Variants in ZNF431 observed in about 807,000 individuals in gnomAD.
The protein encoded by ZNF431 is zinc finger protein 431.
ZNF431 carries 34 observed loss-of-function variants against 57.0 expected under a neutral mutation model. The observed-to-expected ratio is 0.60, with a 90% CI of 0.45 to 0.79. ZNF431 has a LOEUF of 0.79. Ranked by LOEUF, ZNF431 falls within the 30% of genes least tolerant of loss-of-function variation. ZNF431 has a pLI of 0.00. For synonymous variants in ZNF431, 207 were observed against 220.3 expected (o/e 0.94, Z 0.54); for missense variants, 607 against 667.1 (o/e 0.91, Z 0.99).
At chr19:21,163,527 G>A (rs1788974711) in intron 2 of ZNF431, among the ~76,000 whole-genome samples, 1 of 152,100 alleles carries the variant, frequency 6.6e-6, no homozygotes, top group Non-Finnish European at 1.5e-5. Context: ...CCCAAGTAAT[G>A]TTGGTTTTTT....
chr19:21,161,092 T>TCA (rs1970554022), intron 2 of ZNF431, among the ~76,000 whole-genome samples: 1 of 152,034 alleles, frequency 6.6e-6, no homozygotes, highest in South Asian at 2.1e-4. Flanking sequence ...CTCTTGAACC[T>TCA]GGGAGGTGGA....
At chr19:21,181,627 A>G (rs1971213324) in intron 4 of ZNF431, among the ~76,000 whole-genome samples, 1 of 151,594 alleles carries the variant, frequency 6.6e-6, no homozygotes, top group Admixed American at 6.6e-5. Flanking sequence ...TTTTTCTTTC[A>G]GAATTTTTTA....
chr19:21,158,639 ATGT>A (rs1970491278), intron 2 of ZNF431, among the ~76,000 whole-genome samples: 2 of 152,000 alleles, frequency 1.3e-5, no homozygotes, highest in South Asian at 4.2e-4. Context: ...TTTGGCTTGG[ATGT>A]TGTTGATGTA....
rs1289090068 is a variant in ZNF431 at position 21,194,517 on chromosome 19, G to A, written c.*10483G>A. The A allele has an allele frequency of 1.3e-5, 2 of 150,616 alleles. No individual in the cohort carries two copies. Among genetic ancestry groups the A allele is most frequent in the African/African-American group, 4.9e-5 (2 of 40,850 alleles). The allele number at this position is 150,616 out of a possible 1,614,324, so 9.3% of individuals were successfully genotyped here. A position where few individuals can be genotyped will look rare whatever the true frequency, so the allele number is the denominator to read the frequency against. ...ACAGTGTTGCTCTGTGGCCTAGGCT[G>A]GAGTGCAGTGGTGCGATCTTGGCTC... On this transcript the variant is annotated 3_prime_UTR_variant, in exon 5 of 5. Coordinates refer to ENST00000311048, the MANE Select transcript of ZNF431 (RefSeq NM_133473.4).
At chr19:21,143,468 G>T (rs1198183483) in intron 1 of ZNF431, 83 bp from the exon 2 acceptor site, 7 of 1,093,146 alleles carry the variant, frequency 6.4e-6, no homozygotes, top group Non-Finnish European at 8.5e-6. Context: ...AGTGCTGTCT[G>T]GGGATGAACT....
chr19:21,192,679 A>AT lies in ZNF431; in HGVS notation c.*8645_*8646insT. The AT allele has an allele frequency of 6.6e-6, 1 of 152,320 alleles. No homozygotes were observed. The highest frequency in any genetic ancestry group is 2.1e-4 in the South Asian group (1 of 4,834). The allele number at this position is 152,320 out of a possible 1,614,324, so 9.4% of individuals were successfully genotyped here. A position where few individuals can be genotyped will look rare whatever the true frequency, so the allele number is the denominator to read the frequency against. ...CTTGCCTTGTTCTAGCTCTTAGAGT[A>AT]AAAGCTTACAACATATCCCTGTTTA... is the stretch of plus-strand genomic sequence containing the variant. On this transcript the variant is annotated 3_prime_UTR_variant, in exon 5 of 5. Coordinates refer to ENST00000311048, the MANE Select transcript of ZNF431 (RefSeq NM_133473.4).
In ZNF431 at chr19:21,191,795, A is replaced by G. The variant is rs1971515997; in HGVS notation, c.*7761A>G. 1 of 152,100 alleles carries G rather than the reference A, an allele frequency of 6.6e-6. No individual in the cohort carries two copies. The highest frequency in any genetic ancestry group is 2.4e-5 in the African/African-American group (1 of 41,402). The allele number at this position is 152,100 out of a possible 1,614,324, so 9.4% of individuals were successfully genotyped here. A position where few individuals can be genotyped will look rare whatever the true frequency, so the allele number is the denominator to read the frequency against. ...GTTGGTTACCATAGCTATGTAGTGTATTTCAAAGTTAGTCACTTCTTTTGT... is the reference window on the plus strand; with the variant it reads ...GTTGGTTACCATAGCTATGTAGTGTGTTTCAAAGTTAGTCACTTCTTTTGT... On this transcript the variant is annotated 3_prime_UTR_variant, in exon 5 of 5. Transcript: ENST00000311048.
Position 21,153,399 on chromosome 19 carries a change from C to G in ZNF431, c.96+9756C>G, listed in dbSNP as rs550223457. Among the ~76,000 whole-genome samples the G allele has an allele frequency of 4.6e-5, 7 of 152,296 alleles. No homozygotes were observed. In the East Asian group the frequency reaches 9.7e-4, roughly 21 times the overall value. On this transcript the variant is annotated intron_variant, in intron 2 of 4. Transcript: ENST00000311048. ...CTGCTCTGGTTCAGTACACCTCTGA[C>G]AGAGTCTGTGTCTGGCTATGTGATA...
At chr19:21,166,649 T>C (rs1970728829) in intron 3 of ZNF431, among the ~76,000 whole-genome samples, 188 bp downstream of exon 3, 1 of 152,220 alleles carries the variant, frequency 6.6e-6, no homozygotes, top group African/African-American at 2.4e-5. Context: ...ATCTGAACTT[T>C]CCACATTCCT....
intron 4 of ZNF431, among the ~76,000 whole-genome samples, chr19:21,171,719 T>A (rs889213890): frequency 0.12 from 12,946 of 106,198 alleles, 643 homozygotes; most frequent in Non-Finnish European, 0.17. Flanking sequence ...TATATTTTTT[T>A]TTTTTTTTTT....
chr19:21,143,453 G>T, intron 1 of ZNF431, 98 bp from the exon 2 acceptor site: 1 of 955,776 alleles, frequency 1.0e-6, no homozygotes, highest in South Asian at 1.4e-5. Context: ...CTGGTCGTGG[G>T]TTTCAGTGCT....
At chr19:21,149,646 A>G in intron 2 of ZNF431, 1 of 484,718 alleles carries the variant, frequency 2.1e-6, no homozygotes, top group Admixed American at 2.5e-5. Flanking sequence ...AACAGTGTAC[A>G]TTTAACCCAG....
rs758226088 is a variant in ZNF431 at position 21,182,756 on chromosome 19, A to G, written c.453A>G (p.Val151=). 6.8e-6 allele frequency: 11 copies of G among 1,613,986 alleles called. No homozygotes were observed. In the East Asian group the frequency reaches 1.6e-4, roughly 23 times the overall value. Residue 151 remains valine, a synonymous_variant, in exon 5 of 5, where the codon GTA becomes GTG. Transcript: ENST00000311048. ...AGTTAAGAAAAGGCTCCGCAAGTGT[A>G]GATGAGTATAAGGTGCACAAAGAAG... The part of the protein sequence containing the change: ...NLQLRKGSAS[V]DEYKVHKEGY...
chr19:21,179,826 C>T (rs1402587191), intron 4 of ZNF431, among the ~76,000 whole-genome samples: 1 of 152,030 alleles, frequency 6.6e-6, no homozygotes, highest in African/African-American at 2.4e-5. Context: ...TCCCAAAGTG[C>T]TGGGATTACA....
intron 2 of ZNF431, among the ~76,000 whole-genome samples, chr19:21,153,524 C>G (rs566361440): frequency 6.6e-6 from 1 of 152,378 alleles, no homozygotes; most frequent in South Asian, 2.1e-4. Context: ...TTATTAATCA[C>G]AGCTATTTAC....
At chr19:21,153,287 C>T (rs1313531396) in intron 2 of ZNF431, among the ~76,000 whole-genome samples, 1 of 152,142 alleles carries the variant, frequency 6.6e-6, no homozygotes, top group Admixed American at 6.5e-5. Flanking sequence ...CCTATCTCAT[C>T]TTGTGAGTTA....
rs1312295433 is a variant in ZNF431 at position 21,191,351 on chromosome 19, G to T, written c.*7317G>T. On this transcript the variant is annotated 3_prime_UTR_variant, in exon 5 of 5. Transcript: ENST00000311048. ...GTCTATAATCTCAGCTACTCAGGAG[G>T]CTGAGGCAGGGGAACGGCTTAAACC... 1 of 152,040 alleles carries T rather than the reference G, an allele frequency of 6.6e-6. No homozygotes were observed. The highest frequency in any genetic ancestry group is 2.4e-5 in the African/African-American group (1 of 41,376). The allele number at this position is 152,040 out of a possible 1,614,324, so 9.4% of individuals were successfully genotyped here.
At position 21,143,606 on chromosome 19, in the gene ZNF431, C is replaced by A; in HGVS notation, c.59C>A (p.Ala20Asp). The change falls in exon 2 of 5, where the codon GCT becomes GAT. Residue 20 changes from alanine (A) to aspartate (D), a missense_variant. Transcript: ENST00000311048. Reference protein sequence around the residue: ...PLKEASGCPGAERNLLVYSYF... With the variant: ...PLKEASGCPGDERNLLVYSYF... Reference sequence around the variant, plus strand: ...AAGGAAGCAAGTGGATGCCCTGGGGCTGAGAGGAATCTTCTAGTTTACTCT... The same window carrying A: ...AAGGAAGCAAGTGGATGCCCTGGGGATGAGAGGAATCTTCTAGTTTACTCT... 1 of 1,613,878 alleles carries A rather than the reference C, an allele frequency of 6.2e-7. No individual in the cohort carries two copies. The highest frequency in any genetic ancestry group is 8.5e-7 in the Non-Finnish European group (1 of 1,179,834).
At chr19:21,143,751 A>G in intron 2 of ZNF431, 108 bp downstream of exon 2, 1 of 732,406 alleles carries the variant, frequency 1.4e-6, no homozygotes, top group Non-Finnish European at 2.4e-6. Flanking sequence ...GAAAACACAG[A>G]AATAATGTAT....
Sources: gnomAD v4.1 joint callset for allele counts (sites outside exome capture counted in the v4.1 genomes callset) on GRCh38, gnomAD v4.1.1 for gene constraint, MANE v1.5 for transcripts, NCBI Gene and HGNC (gene_info 2026-07-23, HGNC 2026-07-21) for gene names.